Variants in LAMB2 observed in about 807,000 individuals in gnomAD.
LAMB2 encodes laminin subunit beta 2, also known as laminin subunit beta-2.
A neutral mutation model predicts 202.7 loss-of-function variants in LAMB2; 119 were observed. The ratio of observed to expected loss-of-function variants is 0.59; its 90% CI spans 0.51 to 0.68. The LOEUF (loss-of-function observed/expected upper bound fraction) is 0.68, where lower values mean the gene tolerates loss of function less well. Among genes scored for constraint, LAMB2 ranks in the 30% least tolerant of loss-of-function variants. The pLI is 0.00. For synonymous variants in LAMB2, 818 were observed against 902.2 expected (o/e 0.91, Z 1.67); for missense variants, 2,124 against 2,410.6 (o/e 0.88, Z 2.49).
chr3:49,125,053 T>A lies in LAMB2; in HGVS notation c.2837A>T (p.Asp946Val). 6.2e-7 allele frequency: 1 copy of A among 1,613,946 alleles called. No homozygotes were observed. The highest frequency in any genetic ancestry group is 8.5e-7 in the Non-Finnish European group (1 of 1,180,044). ...QRHFATSCHQ[D>V]EYSQQIVCHC... ...GCACACAATCTGCTGGGAATATTCA[T>A]CCTGGTGGCAAGAAGTAGCAAAGTG... The change falls in exon 20 of 32, where the codon GAT (aspartate) becomes GTT (valine). Residue 946 changes from aspartate to valine, a missense_variant. Asp to Val is a radical substitution (Grantham distance 152, BLOSUM62 -3). Around this residue, in one of 3 missense-constraint regions of LAMB2, gnomAD observed 1,702 missense variants for 1,896.3 expected, o/e 0.90. Coordinates refer to ENST00000305544, the MANE Select transcript of LAMB2 (RefSeq NM_002292.4).
chr3:49,128,704 G>A lies in LAMB2; in HGVS notation c.1847C>T (p.Pro616Leu), dbSNP rs779476385. The A allele has an allele frequency of 9.9e-6, 16 of 1,614,016 alleles. No individual in the cohort carries two copies. The highest frequency in any genetic ancestry group is 4.5e-5 in the East Asian group (2 of 44,896). Reference protein sequence around the residue: ...QTLEFLVASVPKAMDYDLLLR... With the variant: ...QTLEFLVASVLKAMDYDLLLR... Reference sequence around the variant, plus strand: ...CAGCAGGTCATAGTCCATAGCCTTCGGCACAGAGGCCACCAGGAACTCCAG... The same window carrying A: ...CAGCAGGTCATAGTCCATAGCCTTCAGCACAGAGGCCACCAGGAACTCCAG... The change falls in exon 14 of 32, where the codon CCG becomes CTG. Residue 616 changes from proline to leucine, a missense_variant. Pro to Leu is a moderately conservative substitution (Grantham distance 98). Coordinates refer to ENST00000305544, the MANE Select transcript of LAMB2 (RefSeq NM_002292.4).
rs1242234921 is a variant in LAMB2, at chr3:49,123,763, G to A, written c.3762C>T (p.Ser1254=). 4.3e-6 allele frequency: 7 copies of A among 1,613,412 alleles called. No individual in the cohort carries two copies. Among genetic ancestry groups the A allele is most frequent in the African/African-American group, 1.3e-5 (1 of 75,060 alleles). The part of the protein sequence containing the change: ...IVGARNTSAA[S]TAQLVEATEE... ...CTGTGGCCTCCACAAGCTGTGCAGT[G>A]GAGGCGGCTGAGGTGTTGCGGGCAC... The change falls in exon 24 of 32, where the codon TCC becomes TCT. Residue 1254 remains serine, a synonymous_variant. Transcript: ENST00000305544.
chr3:49,131,749 G>A lies in LAMB2; in HGVS notation c.460-26C>T, dbSNP rs765120522. ...CTGGGTAGGGGGGCATAGCTGATCA[G>A]CAGGCACCAGGACCCAAGCCCAACC... On this transcript the variant is annotated intron_variant, in intron 4 of 31. Coordinates refer to ENST00000305544, the MANE Select transcript of LAMB2 (RefSeq NM_002292.4). The surrounding 1 kb of genome is among the most constrained non-coding windows in gnomAD (Gnocchi z 5.0). 2.4e-5 allele frequency: 39 copies of A among 1,611,106 alleles called. No homozygotes were observed. Among genetic ancestry groups the A allele is most frequent in the Non-Finnish European group, 3.3e-5 (39 of 1,179,642 alleles).
chr3:49,125,060 G>A lies in LAMB2; in HGVS notation c.2830C>T (p.His944Tyr), dbSNP rs1386630941. ...GSQRHFATSC[H>Y]QDEYSQQIVC... The stretch of plus-strand genomic sequence containing the variant: ...ATCTGCTGGGAATATTCATCCTGGT[G>A]GCAAGAAGTAGCAAAGTGCCGTTGG... Residue 944 changes from histidine to tyrosine, a missense_variant, in exon 20 of 32, where the codon CAC becomes TAC. Physicochemically the swap from His to Tyr is moderately conservative, Grantham distance 83 (BLOSUM62 2). Around this residue, in one of 3 missense-constraint regions of LAMB2, gnomAD observed 1,702 missense variants for 1,896.3 expected, o/e 0.90. Transcript: ENST00000305544. 1.2e-6 allele frequency: 2 copies of A among 1,613,944 alleles called. No homozygotes were observed. Among genetic ancestry groups the A allele is most frequent in the East Asian group, 2.2e-5 (1 of 44,886 alleles).
rs1343241227 is a variant in LAMB2, at chr3:49,128,502, C to T, written c.1974G>A (p.Val658=). The T allele has an allele frequency of 1.2e-6, 2 of 1,614,074 alleles. No individual in the cohort carries two copies. The highest frequency in any genetic ancestry group is 1.3e-5 in the African/African-American group (1 of 74,950). Residue 658 remains valine (V), a synonymous_variant, in exon 15 of 32, where the codon GTG becomes GTA. Coordinates refer to ENST00000305544, the MANE Select transcript of LAMB2 (RefSeq NM_002292.4). The part of the protein sequence containing the change: ...VPAHSLCGHL[V]PKDDRIQGTL... ...TCCCTTGGATGCGATCATCCTTGGG[C>T]ACCAAATGCCCACACAGGCTGTGGG...
At position 49,128,754 on chromosome 3, in the gene LAMB2, G is replaced by A. The variant is rs376785056; in HGVS notation, c.1797C>T (p.Phe599=). ...GGGTCTGACCTTCCTGTAGCCGCAC[G>A]AAGCCTGAGCCAGTCCAGGATGGAG... is the stretch of plus-strand genomic sequence containing the variant. ...GETPSWTGSG[F]VRLQEGQTLE... is the part of the protein sequence containing the mutation. Residue 599 remains phenylalanine, a synonymous_variant, in exon 14 of 32, where the codon TTC becomes TTT. Transcript: ENST00000305544. The A allele has an allele frequency of 1.8e-4, 298 of 1,614,004 alleles. No individual in the cohort carries two copies. Among genetic ancestry groups the A allele is most frequent in the Non-Finnish European group, 2.4e-4 (278 of 1,180,034 alleles).
chr3:49,128,404 A>C (rs2045443743), intron 15 of LAMB2, 54 bp downstream of exon 15: 1 of 1,598,820 alleles, frequency 6.3e-7, no homozygotes, highest in Admixed American at 1.7e-5. Flanking sequence ...CAGGGAGCTT[A>C]GGGCTGGCCC....
At position 49,126,067 on chromosome 3, in the gene LAMB2, T is replaced by C. The variant is rs1330126039; in HGVS notation, c.2244A>G (p.Gln748=). ...TGGGCACCAGACCCTCCTCATGGCA[T>C]TGGTAGCGTTCAAAGGTGGCCTGGC... ...LERQATFERY[Q]CHEEGLVPSK... The change falls in exon 17 of 32, where the codon CAA becomes CAG. Residue 748 remains glutamine, a synonymous_variant. Coordinates refer to ENST00000305544, the MANE Select transcript of LAMB2 (RefSeq NM_002292.4). 3 of 1,614,054 alleles carry C rather than the reference T, an allele frequency of 1.9e-6. No homozygotes were observed. Among genetic ancestry groups the C allele is most frequent in the Admixed American group, 1.7e-5 (1 of 60,018 alleles).
Position 49,131,673 on chromosome 3 carries a change from G to A in LAMB2, c.510C>T (p.Arg170=), listed in dbSNP as rs149856537. 3,692 of 1,613,614 alleles carry A rather than the reference G, an allele frequency of 2.3e-3. 4 individuals carry two copies. The highest frequency in any genetic ancestry group is 2.8e-3 in the Non-Finnish European group (3,315 of 1,180,050). ...MLVERSADFG[R]TWHVYRYFSY... ...AGAAATATCGGTACACATGCCAGGT[G>A]CGGCCAAAGTCTGCTGAGCGTTCCA... The change falls in exon 5 of 32, where the codon CGC becomes CGT. Residue 170 remains arginine (R), a synonymous_variant. Coordinates refer to ENST00000305544, the MANE Select transcript of LAMB2 (RefSeq NM_002292.4). The surrounding 1 kb of genome is among the most constrained non-coding windows in gnomAD (Gnocchi z 5.0).
chr3:49,123,657 TAG>T, intron 24 of LAMB2, 26 bp from the exon 25 acceptor site: 2 of 1,613,912 alleles, frequency 1.2e-6, no homozygotes, highest in Non-Finnish European at 1.7e-6. Context: ...GGGGGGTGTT[TAG>T]AGAGGCTTCA....
rs776154941 is a variant in LAMB2, at chr3:49,131,026, C to T, written c.839G>A (p.Arg280His). ...GTGTCCGTAGCAGAAGCAGTTGCCA[C>T]GTACAACCAGCTCATAGAGGGCATA... ...YYYALYELVV[R>H]GNCFCYGHAS... Residue 280 changes from arginine to histidine, a missense_variant, in exon 7 of 32, where the codon CGT becomes CAT. By Grantham distance (29) the Arg-to-His change is conservative. Transcript: ENST00000305544. This position sits in a 1 kb window ranked among gnomAD's most constrained non-coding sequence, Gnocchi z 5.0. The T allele has an allele frequency of 1.2e-5, 19 of 1,613,834 alleles. No homozygotes were observed. Among genetic ancestry groups the T allele is most frequent in the Admixed American group, 1.7e-5 (1 of 60,012 alleles).
At chr3:49,128,018 CAAAAAAAAAAAAA>C (rs1156873652) in intron 15 of LAMB2, among the ~76,000 whole-genome samples, 7 of 32,882 alleles carry the variant, frequency 2.1e-4, no homozygotes, top group African/African-American at 9.2e-4. Context: ...GACTCCGTCT[CAAAAAAAAAAAAA>C]AAAAAAAAGA....
Position 49,121,572 on chromosome 3 carries a change from AC to A in LAMB2, c.5120del (p.Gly1707ValfsTer7), listed in dbSNP as rs1323738953. The stretch of plus-strand genomic sequence containing the variant: ...GGGCCTTCACCGTCTGGTACTGATC[AC>A]CCAGAGGACCGCGTAGCAGCTGCAG... ...EAEQLLRGPL[G>X]DQYQTVKALA... On this transcript the variant is annotated frameshift_variant, in exon 31 of 32. Coordinates refer to ENST00000305544, the MANE Select transcript of LAMB2 (RefSeq NM_002292.4). LOFTEE classifies it high-confidence loss of function. 2 of 1,613,754 alleles carry A rather than the reference AC, an allele frequency of 1.2e-6. No homozygotes were observed. Among genetic ancestry groups the A allele is most frequent in the Non-Finnish European group, 1.7e-6 (2 of 1,180,026 alleles).
At position 49,131,365 on chromosome 3, in the gene LAMB2, G is replaced by C. The variant is rs766701047; in HGVS notation, c.712+14C>G. 1 of 1,613,270 alleles carries C rather than the reference G, an allele frequency of 6.2e-7. No homozygotes were observed. The highest frequency in any genetic ancestry group is 2.2e-5 in the East Asian group (1 of 44,896). On this transcript the variant is annotated intron_variant, in intron 6 of 31. Transcript: ENST00000305544. The surrounding 1 kb of genome is among the most constrained non-coding windows in gnomAD (Gnocchi z 5.0). Reference sequence around the variant, plus strand: ...GACACGGACTGTGCCAGACTCAAAGGGTGGAGCACTCACTCTGAATCCGTG... The same window carrying C: ...GACACGGACTGTGCCAGACTCAAAGCGTGGAGCACTCACTCTGAATCCGTG...
chr3:49,121,386 A>AG lies in LAMB2; in HGVS notation c.5261-25dup, dbSNP rs746603871. On this transcript the variant is annotated intron_variant, in intron 31 of 31. Coordinates refer to ENST00000305544, the MANE Select transcript of LAMB2 (RefSeq NM_002292.4). ...TTCTAGGAAGGGCAGGTGTCAGTTT[A>AG]GGGGGGGTTTCCCGCAGTCTTGTGT... The AG allele has an allele frequency of 3.2e-5, 51 of 1,613,834 alleles. No individual in the cohort carries two copies. The East Asian group carries it at 9.4e-4, about 30-fold the overall frequency.
Position 49,122,326 on chromosome 3 carries a change from CCCGTGTGGCCACCATTT to C in LAMB2, c.4601_4617del (p.Glu1534GlyfsTer11). ...GAAGCTGGGATGGAGAGCTCTAGCACCCGTGTGGCCACCATTTCAATGCTATCAGGATCAGCCCCCTC... is the reference window on the plus strand; with the variant it reads ...GAAGCTGGGATGGAGAGCTCTAGCACCAATGCTATCAGGATCAGCCCCCTC... On this transcript the variant is annotated frameshift_variant, in exon 28 of 32. Transcript: ENST00000305544. LOFTEE classifies it high-confidence loss of function. The C allele has an allele frequency of 6.2e-7, 1 of 1,613,418 alleles. No homozygotes were observed. The highest frequency in any genetic ancestry group is 8.5e-7 in the Non-Finnish European group (1 of 1,179,974).
Position 49,125,878 on chromosome 3 carries a change from T to C in LAMB2, c.2357A>G (p.Asn786Ser). 3 of 1,613,904 alleles carry C rather than the reference T, an allele frequency of 1.9e-6. No individual in the cohort carries two copies. Among genetic ancestry groups the C allele is most frequent in the Non-Finnish European group, 2.5e-6 (3 of 1,179,946 alleles). ...IYNGALPCQC[N>S]PQGSLSSECN... The stretch of plus-strand genomic sequence containing the variant: ...CTCAGAACTCAGTGAACCTTGAGGG[T>C]TGCACTGACATGCTGTGGGGAGGAG... Residue 786 changes from asparagine (N) to serine (S), a missense_variant, in exon 18 of 32, where the codon AAC (asparagine) becomes AGC (serine). Asn to Ser is a conservative substitution (Grantham distance 46). Coordinates refer to ENST00000305544, the MANE Select transcript of LAMB2 (RefSeq NM_002292.4).
In LAMB2 at chr3:49,132,511, A is replaced by G; in HGVS notation, c.229T>C (p.Cys77Arg). The change falls in exon 2 of 32, where the codon TGC becomes CGC. Residue 77 changes from cysteine (C) to arginine (R), a missense_variant. Coordinates refer to ENST00000305544, the MANE Select transcript of LAMB2 (RefSeq NM_002292.4). This position sits in a 1 kb window ranked among gnomAD's most constrained non-coding sequence, Gnocchi z 4.6. ...CACACCTGCAGGTGACTGACGATGC[A>G]GTAGGGCTGGGGGCCATTCAGGCCA... is the stretch of plus-strand genomic sequence containing the variant. ...TCGLNGPQPY[C>R]IVSHLQDEKK... 1 of 1,613,894 alleles carries G rather than the reference A, an allele frequency of 6.2e-7. No individual in the cohort carries two copies. The highest frequency in any genetic ancestry group is 8.5e-7 in the Non-Finnish European group (1 of 1,180,012).
intron 29 of LAMB2, 31 bp from the exon 30 acceptor site, chr3:49,121,891 T>C: frequency 1.2e-6 from 2 of 1,613,644 alleles, no homozygotes; most frequent in African/African-American, 2.7e-5. Flanking sequence ...GTTACACAGA[T>C]CTACGGTTCA....
Sources: gnomAD v4.1 joint callset for allele counts (sites outside exome capture counted in the v4.1 genomes callset) on GRCh38, gnomAD v4.1.1 for gene constraint, gnomAD v4.1.1 regional missense constraint, Gnocchi (gnomAD v3.1) non-coding constraint, MANE v1.5 for transcripts, NCBI Gene and HGNC (gene_info 2026-07-23, HGNC 2026-07-21) for gene names.